The following MAGI2 variants were observed in gnomAD, a reference collection of about 807,000 sequenced individuals.
MAGI2 encodes membrane associated guanylate kinase, WW and PDZ domain containing 2.
Under a neutral mutation model 133.3 loss-of-function variants are expected in MAGI2, and 35 were observed. The ratio of observed to expected loss-of-function variants is 0.26; its 90% CI spans 0.20 to 0.35. The LOEUF (loss-of-function observed/expected upper bound fraction) is 0.35, where lower values mean the gene tolerates loss of function less well. Among genes scored for constraint, MAGI2 ranks in the 10% least tolerant of loss-of-function variants. The pLI is 1.00. For missense variants in MAGI2, 1,636 were observed against 1,863.4 expected (o/e 0.88, Z 2.25); for synonymous variants, 729 against 710.6 (o/e 1.03, Z -0.41).
intron 9 of MAGI2, among the ~76,000 whole-genome samples, chr7:78,341,384 C>A (rs1584936468): frequency 6.6e-6 from 1 of 152,172 alleles, no homozygotes; most frequent in East Asian, 1.9e-4. Flanking sequence ...GCCATACTGC[C>A]CAAATAATTT....
chr7:78,639,973 T>C (rs1810105740), intron 2 of MAGI2, among the ~76,000 whole-genome samples: 1 of 152,130 alleles, frequency 6.6e-6, no homozygotes, highest in Non-Finnish European at 1.5e-5. Context: ...AAAGCGGGGG[T>C]GCAGGAGGCA....
chr7:78,618,351 C>T (rs546473367), intron 3 of MAGI2: 1 of 151,878 alleles, frequency 6.6e-6, no homozygotes, highest in Non-Finnish European at 1.5e-5. Context: ...GAATATATTA[C>T]AATATATATT....
chr7:79,025,622 G>T (rs558207311), intron 1 of MAGI2, among the ~76,000 whole-genome samples: 1 of 149,630 alleles, frequency 6.7e-6, no homozygotes, highest in African/African-American at 2.5e-5. Flanking sequence ...GTATGTGTCC[G>T]TAAAAAGAAT....
chr7:78,380,042 A>G (rs1029821), intron 6 of MAGI2, among the ~76,000 whole-genome samples: 123,715 of 151,522 alleles, frequency 0.82, 50,616 homozygotes, highest in Admixed American at 0.85. Flanking sequence ...AGTGACCAGA[A>G]GAAATTTTAT....
intron 7 of MAGI2, 40 bp downstream of exon 7, chr7:78,369,111 TCACAA>T: frequency 7.4e-7 from 1 of 1,348,876 alleles, no homozygotes; most frequent in Non-Finnish European, 1.0e-6. Context: ...TAACATAATT[TCACAA>T]CATATTAATA....
chr7:78,144,446 C>T (rs1278473320), intron 16 of MAGI2, among the ~76,000 whole-genome samples: 1 of 152,114 alleles, frequency 6.6e-6, no homozygotes, highest in African/African-American at 2.4e-5. Flanking sequence ...TTAGTTAAAC[C>T]AGTTATCATT....
chr7:78,787,136 G>C (rs187739411), intron 2 of MAGI2, among the ~76,000 whole-genome samples: 46 of 151,928 alleles, frequency 3.0e-4, no homozygotes, highest in African/African-American at 9.6e-4. Context: ...TTAGTAGAGA[G>C]GGGGTTTCAC....
At chr7:78,433,943 C>G (rs2151437865) in intron 6 of MAGI2, among the ~76,000 whole-genome samples, 1 of 152,224 alleles carries the variant, frequency 6.6e-6, no homozygotes, top group East Asian at 1.9e-4. Context: ...TTGAATGAAG[C>G]ATTGTACCAC....
intron 3 of MAGI2, among the ~76,000 whole-genome samples, chr7:78,541,741 C>T (rs1458874240): frequency 6.6e-6 from 1 of 152,086 alleles, no homozygotes; most frequent in Non-Finnish European, 1.5e-5. Context: ...TATCTAAGAA[C>T]CACTGTCTTT....
intron 5 of MAGI2, among the ~76,000 whole-genome samples, chr7:78,499,193 T>G (rs1371924949): frequency 6.6e-6 from 1 of 152,180 alleles, no homozygotes; most frequent in Non-Finnish European, 1.5e-5. Context: ...AGGGGCTTCC[T>G]CACCATTCCT....
intron 1 of MAGI2, among the ~76,000 whole-genome samples, chr7:79,362,899 G>T (rs562297195): frequency 6.6e-6 from 1 of 151,746 alleles, no homozygotes; most frequent in Non-Finnish European, 1.5e-5. Flanking sequence ...CAAGTCAAAG[G>T]CATCGGTTCT....
chr7:78,360,080 C>T (rs113141205), intron 7 of MAGI2, among the ~76,000 whole-genome samples: 1 of 151,958 alleles, frequency 6.6e-6, no homozygotes, highest in African/African-American at 2.4e-5. Context: ...TGTATTTTAC[C>T]CAGTTAGGGT....
chr7:78,937,699 A>G (rs765980711), intron 2 of MAGI2, among the ~76,000 whole-genome samples: 1 of 152,132 alleles, frequency 6.6e-6, no homozygotes, highest in Non-Finnish European at 1.5e-5. Context: ...ACAGTGCAGT[A>G]TACTAGTTAT....
At chr7:78,237,276 G>A (rs1199447943) in intron 10 of MAGI2, among the ~76,000 whole-genome samples, 1 of 152,126 alleles carries the variant, frequency 6.6e-6, no homozygotes, top group African/African-American at 2.4e-5. Flanking sequence ...GGTTAGAATG[G>A]CACAATGTAC....
intron 2 of MAGI2, among the ~76,000 whole-genome samples, chr7:78,737,663 G>T (rs1445389835): frequency 6.6e-6 from 1 of 152,008 alleles, no homozygotes; most frequent in Non-Finnish European, 1.5e-5. Context: ...AATTAAATAA[G>T]TTTGCAAAAA....
intron 3 of MAGI2, among the ~76,000 whole-genome samples, chr7:78,568,574 T>C (rs574145078): frequency 6.6e-5 from 10 of 152,302 alleles, no homozygotes; most frequent in African/African-American, 2.4e-4. Context: ...AATTCTGTCA[T>C]TGTATTTTTA....
At chr7:78,966,006 T>C (rs1481284710) in intron 2 of MAGI2, among the ~76,000 whole-genome samples, 1 of 152,012 alleles carries the variant, frequency 6.6e-6, no homozygotes, top group Non-Finnish European at 1.5e-5. Flanking sequence ...AAGTTCCATC[T>C]ACAGAGAATA....
intron 2 of MAGI2, among the ~76,000 whole-genome samples, chr7:78,953,750 C>T (rs935877442): frequency 2.6e-5 from 4 of 151,958 alleles, no homozygotes; most frequent in South Asian, 2.1e-4. Context: ...TTGAGATCGC[C>T]GATCATTTTA....
chr7:78,865,335 G>A lies in MAGI2; in HGVS notation c.418+141755C>T, dbSNP rs548272223. Among the ~76,000 whole-genome samples, 5 of 152,262 alleles carry A rather than the reference G, an allele frequency of 3.3e-5. No homozygotes were observed. The South Asian group carries it at 1.0e-3, about 32-fold the overall frequency. On this transcript the variant is annotated intron_variant, in intron 2 of 21. Transcript: ENST00000354212. Reference sequence around the variant, plus strand: ...GTGGTAGTGAAGAATTAAGAAGAGTGCTTTGTGAGGAAGACCATTAGTCAA... The same window carrying A: ...GTGGTAGTGAAGAATTAAGAAGAGTACTTTGTGAGGAAGACCATTAGTCAA...
Sources: gnomAD v4.1 joint callset for allele counts (sites outside exome capture counted in the v4.1 genomes callset) on GRCh38, gnomAD v4.1.1 for gene constraint, MANE v1.5 for transcripts, NCBI Gene and HGNC (gene_info 2026-07-23, HGNC 2026-07-21) for gene names.